RADIL: variants seen among roughly 807,000 people sequenced by gnomAD.
The protein encoded by RADIL is ras-associating and dilute domain-containing protein.
Under a neutral mutation model 97.6 loss-of-function variants are expected in RADIL, and 99 were observed. The ratio of observed to expected loss-of-function variants is 1.01; its 90% CI spans 0.86 to 1.20. RADIL has a LOEUF of 1.20. Ranked by LOEUF, RADIL falls within the 50% of genes most tolerant of loss-of-function variation. The pLI, the probability that RADIL is intolerant of heterozygous loss-of-function variation, is 0.00. For synonymous variants in RADIL, 803 were observed against 691.8 expected, an observed-to-expected ratio of 1.16 and a Z score of -2.52; for missense variants, 1,765 against 1,498.9, an observed-to-expected ratio of 1.18 and a Z score of -2.93.
chr7:4,862,870 C>T (rs527572697), intron 2 of RADIL, among the ~76,000 whole-genome samples: 1 of 150,784 alleles, frequency 6.6e-6, no homozygotes, highest in East Asian at 1.9e-4. Context: ...GCACTCCAGC[C>T]TGGGCAACAA....
In RADIL at chr7:4,840,594, G is replaced by A. The variant is rs570344255; in HGVS notation, c.536-3989C>T. Among the ~76,000 whole-genome samples the A allele has an allele frequency of 8.5e-5, 13 of 152,168 alleles. No homozygotes were observed. The highest frequency in any genetic ancestry group is 1.6e-4 in the Non-Finnish European group (11 of 68,022). ...AGGTGTGCTCTTTGCCAAGAACAGG[G>A]TCACCCCAGGGGCCCTTATGCTACC... is the stretch of plus-strand genomic sequence containing the variant. On this transcript the variant is annotated intron_variant, in intron 2 of 14. Transcript: ENST00000399583. This position sits in a 1 kb window ranked among gnomAD's most constrained non-coding sequence, Gnocchi z 5.6.
intron 5 of RADIL, among the ~76,000 whole-genome samples, chr7:4,823,488 G>T (rs1363544568): frequency 1.3e-5 from 2 of 152,054 alleles, no homozygotes; most frequent in East Asian, 3.9e-4. Flanking sequence ...GTATCCATGG[G>T]GTTCATTGTT....
Position 4,836,453 on chromosome 7 carries a change from C to T in RADIL, c.688G>A (p.Ala230Thr), listed in dbSNP as rs376852518. Residue 230 changes from alanine (A) to threonine (T), a missense_variant, in exon 3 of 15, where the codon GCC (alanine) becomes ACC (threonine). Ala to Thr is a moderately conservative substitution (Grantham distance 58, BLOSUM62 0). Transcript: ENST00000399583. ...LSPVNALPAAAQGPEEPGPDA... is the reference protein window; with the variant it reads ...LSPVNALPAATQGPEEPGPDA... Reference sequence around the variant, plus strand: ...GGGCCGGGCTCCTCGGGGCCCTGGGCGGCAGCGGGCAGGGCGTTCACTGGG... The same window carrying T: ...GGGCCGGGCTCCTCGGGGCCCTGGGTGGCAGCGGGCAGGGCGTTCACTGGG... The T allele has an allele frequency of 3.3e-5, 53 of 1,600,614 alleles. No individual in the cohort carries two copies. The highest frequency in any genetic ancestry group is 1.7e-4 in the Middle Eastern group (1 of 6,058).
chr7:4,818,381 T>A lies in RADIL; in HGVS notation c.1616-1030A>T, dbSNP rs111831968. On this transcript the variant is annotated intron_variant, in intron 6 of 14. Transcript: ENST00000399583. This position sits in a 1 kb window ranked among gnomAD's most constrained non-coding sequence, Gnocchi z 7.1. ...CGCCAAGCCCTTGGACAAGCCCCTG[T>A]CACTTTCGCTCTGCCGCTCCTGGTG... is the stretch of plus-strand genomic sequence containing the variant. 0.015 allele frequency among the ~76,000 whole-genome samples: 2,329 copies of A among 152,298 alleles called. 52 individuals are homozygous for A. The highest frequency in any genetic ancestry group is 0.053 in the African/African-American group (2,193 of 41,564).
Position 4,800,280 on chromosome 7 carries a change from G to T in RADIL, c.2873C>A (p.Pro958His). Reference protein sequence around the residue: ...GDSAALAEESPPAPSSRSSST... With the variant: ...GDSAALAEESHPAPSSRSSST... ...GGAGCTGCGGCTGGACGGGGCTGGA[G>T]GGGACTCCTCCGCAAGGGCTGCAGA... Residue 958 changes from proline to histidine, a missense_variant, in exon 13 of 15, where the codon CCT (proline) becomes CAT (histidine). By Grantham distance (77) the Pro-to-His change is moderately conservative. Transcript: ENST00000399583. The T allele has an allele frequency of 6.6e-7, 1 of 1,519,664 alleles. No individual in the cohort carries two copies. The allele number at this position is 1,519,664 out of a possible 1,614,324, so 94.1% of individuals were successfully genotyped here. A position where few individuals can be genotyped will look rare whatever the true frequency, so the allele number is the denominator to read the frequency against.
At position 4,872,184 on chromosome 7, in the gene RADIL, T is replaced by C. The variant is rs985905599; in HGVS notation, c.535+5421A>G. ...GCCGAGTCCAGGCAGCCAGGTCCAA[T>C]ACTGCAGCTCTCAATAGAGGGCAGG... On this transcript the variant is annotated intron_variant, in intron 2 of 14. Transcript: ENST00000399583. This position sits in a 1 kb window ranked among gnomAD's most constrained non-coding sequence, Gnocchi z 5.8. Among the ~76,000 whole-genome samples the C allele has an allele frequency of 1.3e-5, 2 of 152,152 alleles. No homozygotes were observed. Among genetic ancestry groups the C allele is most frequent in the South Asian group, 4.1e-4 (2 of 4,824 alleles).
At chr7:4,859,939 T>C (rs776835946) in intron 2 of RADIL, 2 of 1,613,868 alleles carry the variant, frequency 1.2e-6, no homozygotes. Flanking sequence ...CCTGAAGGTC[T>C]GGATGGCTTA....
chr7:4,855,464 G>A (rs1219893478), intron 2 of RADIL, among the ~76,000 whole-genome samples: 5 of 151,992 alleles, frequency 3.3e-5, no homozygotes, highest in East Asian at 1.9e-4. Flanking sequence ...TAATTGGAAC[G>A]CAGAGTGTGG....
Position 4,824,496 on chromosome 7 carries a change from G to A in RADIL, c.1455-1942C>T, listed in dbSNP as rs149040763. ...CTGTTCTTTCCCCAGCTGGGCAGCC[G>A]AGCAGGGCTGGGGGAGGAACCCCAG... is the stretch of plus-strand genomic sequence containing the variant. On this transcript the variant is annotated intron_variant, in intron 5 of 14. Coordinates refer to ENST00000399583, the MANE Select transcript of RADIL (RefSeq NM_018059.5). This position sits in a 1 kb window ranked among gnomAD's most constrained non-coding sequence, Gnocchi z 6.7. Among the ~76,000 whole-genome samples, 7 of 152,170 alleles carry A rather than the reference G, an allele frequency of 4.6e-5. No individual in the cohort carries two copies. The highest frequency in any genetic ancestry group is 7.4e-5 in the Non-Finnish European group (5 of 68,016).
intron 10 of RADIL, 30 bp downstream of exon 10, chr7:4,805,536 A>C (rs776969991): frequency 9.7e-6 from 15 of 1,550,286 alleles, no homozygotes; most frequent in Non-Finnish European, 1.3e-5. Flanking sequence ...CTGAGTCCCC[A>C]GCCCTCTCCT....
Position 4,879,103 on chromosome 7 carries a change from C to T in RADIL, c.-64-900G>A, listed in dbSNP as rs563564825. ...AGTGGCCTCGCAAGCACGGCGGGCA[C>T]AAAGGGCCCCTCTCGAGCCGGTGCA... On this transcript the variant is annotated intron_variant, in intron 1 of 14. Transcript: ENST00000399583. This position sits in a 1 kb window ranked among gnomAD's most constrained non-coding sequence, Gnocchi z 4.1. 6.6e-6 allele frequency among the ~76,000 whole-genome samples: 1 copy of T among 152,368 alleles called. No individual in the cohort carries two copies. Among genetic ancestry groups the T allele is most frequent in the Non-Finnish European group, 1.5e-5 (1 of 68,032 alleles).
At position 4,817,809 on chromosome 7, in the gene RADIL, A is replaced by G. The variant is rs377168035; in HGVS notation, c.1616-458T>C. ...AAGTCTTTTGGGAAGAAAAAGCCCA[A>G]ATCAGCTATTTCACCCCCACCCCCG... On this transcript the variant is annotated intron_variant, in intron 6 of 14. Transcript: ENST00000399583. This position sits in a 1 kb window ranked among gnomAD's most constrained non-coding sequence, Gnocchi z 8.3. 2.5e-4 allele frequency among the ~76,000 whole-genome samples: 38 copies of G among 152,152 alleles called. 1 individual carries two copies. Among genetic ancestry groups the G allele is most frequent in the African/African-American group, 8.7e-4 (36 of 41,512 alleles).
Position 4,844,087 on chromosome 7 carries a change from C to A in RADIL, c.536-7482G>T, listed in dbSNP as rs1184619923. On this transcript the variant is annotated intron_variant, in intron 2 of 14. Coordinates refer to ENST00000399583, the MANE Select transcript of RADIL (RefSeq NM_018059.5). ...GATGCCTGCTGTAACCACTTCTCTT[C>A]AAATTTGTACTAGGTCCTAGCCAGT... Among the ~76,000 whole-genome samples, 9 of 152,028 alleles carry A rather than the reference C, an allele frequency of 5.9e-5. 1 individual carries two copies. Among genetic ancestry groups the A allele is most frequent in the Admixed American group, 5.2e-4 (8 of 15,252 alleles).
chr7:4,801,946 G>C lies in RADIL; in HGVS notation c.2549C>G (p.Pro850Arg), dbSNP rs1344718710. 6.4e-7 allele frequency: 1 copy of C among 1,559,004 alleles called. No individual in the cohort carries two copies. Among genetic ancestry groups the C allele is most frequent in the Non-Finnish European group, 8.6e-7 (1 of 1,156,326 alleles). ...LDGHLEAPSC[P>R]LAPRDPGPAA... ...TGGGCCAGGGTCCCTGGGAGCCAGG[G>C]GGCAGCTCGGGGCCTCCAGGTGCCC... Residue 850 changes from proline (P) to arginine (R), a missense_variant, in exon 12 of 15, where the codon CCC (proline) becomes CGC (arginine). Physicochemically the swap from Pro to Arg is moderately radical, Grantham distance 103. Coordinates refer to ENST00000399583, the MANE Select transcript of RADIL (RefSeq NM_018059.5).
chr7:4,799,186 AT>A lies in RADIL; in HGVS notation c.*191del, dbSNP rs1487757221. On this transcript the variant is annotated 3_prime_UTR_variant, in exon 15 of 15. Transcript: ENST00000399583. Reference sequence around the variant, plus strand: ...TAAAAGCTCTGTAACAAACATCACAATTTCACGTCATCTGCCATATAAATAG... The same window carrying A: ...TAAAAGCTCTGTAACAAACATCACAATTCACGTCATCTGCCATATAAATAG... 22 of 591,200 alleles carry A rather than the reference AT, an allele frequency of 3.7e-5. No homozygotes were observed. The highest frequency in any genetic ancestry group is 5.4e-5 in the Non-Finnish European group (18 of 330,772). The allele number at this position is 591,200 out of a possible 1,614,324, so 36.6% of individuals were successfully genotyped here. A position where few individuals can be genotyped will look rare whatever the true frequency, so the allele number is the denominator to read the frequency against.
chr7:4,852,772 A>C (rs2115022625), intron 2 of RADIL, among the ~76,000 whole-genome samples: 1 of 152,158 alleles, frequency 6.6e-6, no homozygotes, highest in South Asian at 2.1e-4. Context: ...CAAACTCCTG[A>C]CCTCATGTGA....
rs1008189850 is a variant in RADIL at position 4,817,671 on chromosome 7, T to G, written c.1616-320A>C. 2.6e-5 allele frequency among the ~76,000 whole-genome samples: 4 copies of G among 152,136 alleles called. No homozygotes were observed. Among genetic ancestry groups the G allele is most frequent in the Non-Finnish European group, 5.9e-5 (4 of 68,000 alleles). ...GGATACGTTTTCTGTTACAACCAAC[T>G]GCACCCAACATAGCAGGTCCTAACT... On this transcript the variant is annotated intron_variant, in intron 6 of 14. Transcript: ENST00000399583. This position sits in a 1 kb window ranked among gnomAD's most constrained non-coding sequence, Gnocchi z 8.3.
Position 4,819,370 on chromosome 7 carries a change from C to T in RADIL, c.1616-2019G>A, listed in dbSNP as rs1263633415. Among the ~76,000 whole-genome samples the T allele has an allele frequency of 6.6e-6, 1 of 152,106 alleles. No individual in the cohort carries two copies. The highest frequency in any genetic ancestry group is 2.4e-5 in the African/African-American group (1 of 41,414). The stretch of plus-strand genomic sequence containing the variant: ...GACAGGTGTGAGCCCAGCCCTGAGA[C>T]TCCATTTCTAAACCCCCGGAGACGC... On this transcript the variant is annotated intron_variant, in intron 6 of 14. Transcript: ENST00000399583. This position sits in a 1 kb window ranked among gnomAD's most constrained non-coding sequence, Gnocchi z 5.8.
intron 2 of RADIL, among the ~76,000 whole-genome samples, chr7:4,847,569 A>G (rs931210847): frequency 5.9e-5 from 9 of 152,134 alleles, no homozygotes; most frequent in Non-Finnish European, 1.2e-4. Flanking sequence ...ATTATCCAGA[A>G]TAGTCAACAA....
Sources: gnomAD v4.1 joint callset for allele counts (sites outside exome capture counted in the v4.1 genomes callset) on GRCh38, gnomAD v4.1.1 for gene constraint, Gnocchi (gnomAD v3.1) non-coding constraint, MANE v1.5 for transcripts, NCBI Gene and HGNC (gene_info 2026-07-23, HGNC 2026-07-21) for gene names.